ADAMTS16: variants seen among roughly 807,000 people sequenced by gnomAD.
ADAMTS16 encodes the protein ADAM metallopeptidase with thrombospondin type 1 motif 16, also known as A disintegrin and metalloproteinase with thrombospondin motifs 16.
Under a neutral mutation model 145.8 loss-of-function variants are expected in ADAMTS16, and 94 were observed. That is an observed-to-expected ratio of 0.64 (90% CI 0.55 to 0.77). The LOEUF is 0.77. Among genes scored for constraint, ADAMTS16 ranks in the 30% least tolerant of loss-of-function variants. The pLI is 0.00. For synonymous variants in ADAMTS16, 659 were observed against 604.3 expected (o/e 1.09, Z -1.33); for missense variants, 1,585 against 1,591.5 (o/e 1.00, Z 0.07).
chr5:5,187,223 C>T (rs534126724), intron 5 of ADAMTS16, among the ~76,000 whole-genome samples: 3 of 152,186 alleles, frequency 2.0e-5, no homozygotes, highest in Non-Finnish European at 4.4e-5. Context: ...GTTCCTGCTC[C>T]CCACCCCAAA....
At chr5:5,314,171 C>A (rs1197265769) in intron 21 of ADAMTS16, among the ~76,000 whole-genome samples, 1 of 152,124 alleles carries the variant, frequency 6.6e-6, no homozygotes, top group Non-Finnish European at 1.5e-5. Flanking sequence ...AGTTGCAGGG[C>A]AGAAGCTCTA....
chr5:5,239,677 C>T lies in ADAMTS16; in HGVS notation c.2279-4C>T, dbSNP rs1737222448. ...GCTGTATCTTCCCCATTTCCTTTAT[C>T]TAGAGTATTATCACATGGTCACCAT... On this transcript the variant is annotated splice_polypyrimidine_tract_variant and splice_region_variant and intron_variant, in intron 15 of 22. Transcript: ENST00000274181. 6.2e-7 allele frequency: 1 copy of T among 1,613,858 alleles called. No individual in the cohort carries two copies. Among genetic ancestry groups the T allele is most frequent in the Non-Finnish European group, 8.5e-7 (1 of 1,179,900 alleles).
intron 18 of ADAMTS16, among the ~76,000 whole-genome samples, chr5:5,268,382 G>A (rs1005810212): frequency 8.5e-5 from 13 of 152,164 alleles, no homozygotes; most frequent in African/African-American, 2.4e-4. Context: ...CTCACCGTAC[G>A]TAGCACTGCA....
At chr5:5,140,587 G>C in intron 1 of ADAMTS16, 48 bp downstream of exon 1, 1 of 1,514,346 alleles carries the variant, frequency 6.6e-7, no homozygotes, top group Non-Finnish European at 8.8e-7. Flanking sequence ...GGTCCGGACA[G>C]CTGGAGGCGA....
chr5:5,167,852 T>A (rs1470655802), intron 3 of ADAMTS16, among the ~76,000 whole-genome samples: 1 of 152,260 alleles, frequency 6.6e-6, no homozygotes, highest in Non-Finnish European at 1.5e-5. Flanking sequence ...CGTTAAATTT[T>A]ATTTGATTTT....
intron 18 of ADAMTS16, among the ~76,000 whole-genome samples, chr5:5,268,022 G>A (rs1283403238): frequency 6.6e-6 from 1 of 152,188 alleles, no homozygotes; most frequent in African/African-American, 2.4e-5. Context: ...GGCTTGCGGT[G>A]TGGCCTTGGG....
intron 3 of ADAMTS16, among the ~76,000 whole-genome samples, chr5:5,181,398 C>T (rs1212489877): frequency 3.3e-5 from 5 of 152,146 alleles, no homozygotes; most frequent in African/African-American, 4.8e-5. Context: ...TGTCTCTCTA[C>T]GATTTTTAAC....
At chr5:5,311,697 C>G (rs749459262) in intron 21 of ADAMTS16, among the ~76,000 whole-genome samples, 1 of 151,830 alleles carries the variant, frequency 6.6e-6, no homozygotes, top group Non-Finnish European at 1.5e-5. Flanking sequence ...CACGTGCACA[C>G]CACCATGCCC....
intron 6 of ADAMTS16, among the ~76,000 whole-genome samples, 194 bp from the exon 7 acceptor site, chr5:5,189,777 A>G (rs1735605764): frequency 6.6e-6 from 1 of 152,256 alleles, no homozygotes; most frequent in Non-Finnish European, 1.5e-5. Context: ...AACCAGAGAA[A>G]CGTGCCTAAG....
chr5:5,150,007 T>C (rs1734405970), intron 3 of ADAMTS16, among the ~76,000 whole-genome samples: 1 of 152,234 alleles, frequency 6.6e-6, no homozygotes, highest in Non-Finnish European at 1.5e-5. Flanking sequence ...GTGTACAGGT[T>C]TTTGTATGAA....
At chr5:5,272,239 T>G (rs779186827) in intron 18 of ADAMTS16, among the ~76,000 whole-genome samples, 23 of 152,100 alleles carry the variant, frequency 1.5e-4, no homozygotes, top group Non-Finnish European at 2.4e-4. Flanking sequence ...TAGCTGAGCG[T>G]TCCCAAGCAG....
chr5:5,212,061 T>A (rs2126321557), intron 10 of ADAMTS16, among the ~76,000 whole-genome samples: 1 of 152,300 alleles, frequency 6.6e-6, no homozygotes, highest in South Asian at 2.1e-4. Context: ...AAATAATATT[T>A]CTTACATCTT....
chr5:5,216,333 T>C (rs577437816), intron 10 of ADAMTS16, among the ~76,000 whole-genome samples: 2 of 152,268 alleles, frequency 1.3e-5, no homozygotes, highest in East Asian at 1.9e-4. Context: ...TGGCCATTTG[T>C]ATATCTTCTT....
chr5:5,156,694 G>T (rs1734613316), intron 3 of ADAMTS16, among the ~76,000 whole-genome samples: 1 of 152,194 alleles, frequency 6.6e-6, no homozygotes, highest in South Asian at 2.1e-4. Context: ...GTAGGCTTGG[G>T]GGTTGTATTT....
chr5:5,290,438 T>C (rs960695883), intron 18 of ADAMTS16, among the ~76,000 whole-genome samples: 1 of 152,138 alleles, frequency 6.6e-6, no homozygotes, highest in Non-Finnish European at 1.5e-5. Context: ...GTGGATCACC[T>C]GAGGTCAGGA....
At chr5:5,147,131 A>G (rs1287536174) in intron 3 of ADAMTS16, among the ~76,000 whole-genome samples, 1 of 152,216 alleles carries the variant, frequency 6.6e-6, no homozygotes, top group African/African-American at 2.4e-5. Context: ...GGCCTACCCA[A>G]GTCAAAATCT....
chr5:5,149,022 G>A (rs1420703995), intron 3 of ADAMTS16, among the ~76,000 whole-genome samples: 3 of 152,208 alleles, frequency 2.0e-5, no homozygotes, highest in African/African-American at 7.2e-5. Context: ...AAGTGAAGGA[G>A]TAACAAGCAG....
At chr5:5,303,507 C>T (rs1212097553) in intron 19 of ADAMTS16, 38 bp downstream of exon 19, 3 of 1,607,558 alleles carry the variant, frequency 1.9e-6, no homozygotes, top group South Asian at 2.2e-5. Context: ...GCAGCAGGGC[C>T]CCTGCATGAT....
chr5:5,174,749 GT>G (rs1163914839), intron 3 of ADAMTS16, among the ~76,000 whole-genome samples: 1 of 152,132 alleles, frequency 6.6e-6, no homozygotes, highest in Non-Finnish European at 1.5e-5. Flanking sequence ...GCATTCTTCA[GT>G]TTGTAAAATG....
Sources: gnomAD v4.1 joint callset for allele counts (sites outside exome capture counted in the v4.1 genomes callset) on GRCh38, gnomAD v4.1.1 for gene constraint, MANE v1.5 for transcripts, NCBI Gene and HGNC (gene_info 2026-07-23, HGNC 2026-07-21) for gene names.